The following SNX24 variants were observed in gnomAD, a reference collection of about 807,000 sequenced individuals.
SNX24 encodes the protein sorting nexin-24.
In SNX24, 22 loss-of-function variants were observed where a neutral mutation model predicts 28.7. The observed-to-expected ratio is 0.77, with a 90% CI of 0.55 to 1.10. SNX24 has a LOEUF of 1.10. Among genes scored for constraint, SNX24 ranks in the 50% least tolerant of loss-of-function variants. SNX24 has a pLI of 0.00. For missense variants in SNX24, 221 were observed against 201.1 expected, an observed-to-expected ratio of 1.10 and a Z score of -0.60; for synonymous variants, 69 against 71.5, an observed-to-expected ratio of 0.96 and a Z score of 0.18.
chr5:122,921,430 A>G (rs1252939338), intron 1 of SNX24, among the ~76,000 whole-genome samples: 3 of 152,142 alleles, frequency 2.0e-5, no homozygotes. Flanking sequence ...CCATTTTTAG[A>G]AGCCCAGAAA....
chr5:122,906,156 T>C (rs1468198758), intron 1 of SNX24, among the ~76,000 whole-genome samples: 2 of 152,302 alleles, frequency 1.3e-5, no homozygotes, highest in Non-Finnish European at 2.9e-5. Flanking sequence ...TTTTTGAAAG[T>C]ACAAGGTGGT....
chr5:122,855,679 T>C (rs553802645), intron 1 of SNX24, among the ~76,000 whole-genome samples: 1 of 152,336 alleles, frequency 6.6e-6, no homozygotes, highest in South Asian at 2.1e-4. Flanking sequence ...TAAGTCTGTG[T>C]AATGTTCTAT....
At chr5:122,979,765 C>A (rs926968855) in intron 3 of SNX24, among the ~76,000 whole-genome samples, 1 of 152,154 alleles carries the variant, frequency 6.6e-6, no homozygotes, top group Non-Finnish European at 1.5e-5. Context: ...CACATAATGC[C>A]CACCGTTGAG....
chr5:122,882,733 C>T (rs1409023527), intron 1 of SNX24, among the ~76,000 whole-genome samples: 3 of 152,054 alleles, frequency 2.0e-5, no homozygotes, highest in African/African-American at 4.8e-5. Flanking sequence ...GTTTTTTCCT[C>T]CTTTCCTTTT....
At chr5:122,892,733 C>T (rs563447907) in intron 1 of SNX24, among the ~76,000 whole-genome samples, 9 of 151,460 alleles carry the variant, frequency 5.9e-5, no homozygotes, top group African/African-American at 1.9e-4. Context: ...CCACCGTGCC[C>T]AGCCCATTTC....
At chr5:123,021,500 T>C (rs549840389) in intron 5 of SNX24, among the ~76,000 whole-genome samples, 46 of 152,300 alleles carry the variant, frequency 3.0e-4, no homozygotes, top group South Asian at 1.5e-3. Context: ...AAAACACTGA[T>C]GATCTCCCTT....
chr5:122,876,447 G>A (rs778554161), intron 1 of SNX24, among the ~76,000 whole-genome samples: 1 of 152,182 alleles, frequency 6.6e-6, no homozygotes, highest in African/African-American at 2.4e-5. Context: ...ATTAAAAATA[G>A]CTGGAGATAT....
At chr5:123,005,914 C>T (rs1210412631) in intron 6 of SNX24, among the ~76,000 whole-genome samples, 1 of 152,140 alleles carries the variant, frequency 6.6e-6, no homozygotes, top group Non-Finnish European at 1.5e-5. Flanking sequence ...CTAAAAAAAT[C>T]AAGTGTCATC....
intron 1 of SNX24, among the ~76,000 whole-genome samples, chr5:122,869,370 C>T (rs1198708581): frequency 1.3e-5 from 2 of 152,164 alleles, no homozygotes; most frequent in Non-Finnish European, 2.9e-5. Context: ...ATAACAAATA[C>T]TGGTTAGATT....
intron 6 of SNX24, chr5:123,002,240 G>A: frequency 1.8e-6 from 1 of 549,528 alleles, no homozygotes; most frequent in Admixed American, 3.2e-5. Context: ...GAGTAATAAG[G>A]AAGAATGGTA....
chr5:122,872,705 T>C (rs1399026734), intron 1 of SNX24, among the ~76,000 whole-genome samples: 1 of 152,154 alleles, frequency 6.6e-6, no homozygotes. Context: ...AGAAAGTCTG[T>C]ATACATTCAG....
intron 6 of SNX24, among the ~76,000 whole-genome samples, chr5:123,003,495 C>T (rs890817620): frequency 6.6e-5 from 10 of 152,086 alleles, no homozygotes; most frequent in African/African-American, 2.2e-4. Context: ...AAAAATGGCT[C>T]CACAAGCACT....
chr5:123,004,437 G>A (rs1456997622), intron 6 of SNX24, among the ~76,000 whole-genome samples: 1 of 152,148 alleles, frequency 6.6e-6, no homozygotes, highest in Non-Finnish European at 1.5e-5. Flanking sequence ...TTCAAACAGT[G>A]TCTCCCCTTG....
At chr5:122,984,054 G>A (rs1412674324) in intron 3 of SNX24, among the ~76,000 whole-genome samples, 1 of 152,100 alleles carries the variant, frequency 6.6e-6, no homozygotes, top group African/African-American at 2.4e-5. Flanking sequence ...GTGAAGAAAT[G>A]CCTATTCTAT....
Position 123,002,004 on chromosome 5 carries a change from GGTA to G in SNX24, c.442+1_442+3del. ...TCCATATGTCTTGCCTGCAGCCAGC[GGTA>G]ATCAAACCTGTCATCTGCTAACAGC... On this transcript the variant is annotated splice_donor_variant and splice_donor_region_variant and intron_variant, in intron 6 of 6. Coordinates refer to ENST00000261369, the MANE Select transcript of SNX24 (RefSeq NM_014035.4). LOFTEE classifies it high-confidence loss of function. 1 of 1,613,140 alleles carries G rather than the reference GGTA, an allele frequency of 6.2e-7. No individual in the cohort carries two copies. The highest frequency in any genetic ancestry group is 8.5e-7 in the Non-Finnish European group (1 of 1,179,216).
At chr5:122,853,331 G>A (rs2150033152) in intron 1 of SNX24, among the ~76,000 whole-genome samples, 1 of 152,096 alleles carries the variant, frequency 6.6e-6, no homozygotes, top group African/African-American at 2.4e-5. Context: ...GTTTCACCGT[G>A]TTAGCCAGGA....
intron 1 of SNX24, among the ~76,000 whole-genome samples, chr5:122,874,662 TC>T (rs1756143789): frequency 1.3e-5 from 2 of 152,248 alleles, no homozygotes; most frequent in Admixed American, 6.5e-5. Flanking sequence ...TTATGTTTAT[TC>T]TGCAACTTGA....
chr5:122,867,534 C>T (rs1755775682), intron 1 of SNX24, among the ~76,000 whole-genome samples: 1 of 152,128 alleles, frequency 6.6e-6, no homozygotes, highest in African/African-American at 2.4e-5. Flanking sequence ...GGGTGCTCTG[C>T]AGTGGCTGTA....
At chr5:122,929,393 T>C (rs1276515519) in intron 1 of SNX24, among the ~76,000 whole-genome samples, 1 of 152,082 alleles carries the variant, frequency 6.6e-6, no homozygotes, top group Non-Finnish European at 1.5e-5. Context: ...GGAATGTTCA[T>C]TTGAGGGGAA....
Sources: gnomAD v4.1 joint callset for allele counts (sites outside exome capture counted in the v4.1 genomes callset) on GRCh38, gnomAD v4.1.1 for gene constraint, MANE v1.5 for transcripts, NCBI Gene and HGNC (gene_info 2026-07-23, HGNC 2026-07-21) for gene names.